HNF4G: variants seen among roughly 807,000 people sequenced by gnomAD.
The protein encoded by HNF4G is hepatocyte nuclear factor 4 gamma.
HNF4G carries 21 observed loss-of-function variants against 50.9 expected under a neutral mutation model. That is an observed-to-expected ratio of 0.41 (90% CI 0.29 to 0.59). The LOEUF (loss-of-function observed/expected upper bound fraction) is 0.59, where lower values mean the gene tolerates loss of function less well. Among genes scored for constraint, HNF4G ranks in the 20% least tolerant of loss-of-function variants. The pLI is 0.26. For synonymous variants in HNF4G, 198 were observed against 185.6 expected (o/e 1.07, Z -0.54); for missense variants, 527 against 559.4 (o/e 0.94, Z 0.58).
intron 1 of HNF4G, among the ~76,000 whole-genome samples, chr8:75,448,249 C>T (rs1398025361): frequency 7.7e-6 from 1 of 129,106 alleles, no homozygotes; most frequent in Non-Finnish European, 1.6e-5. Context: ...CACCTGGACA[C>T]ATGAAGGGGA....
At chr8:75,432,945 T>C in intron 1 of HNF4G, among the ~76,000 whole-genome samples, 1 of 152,266 alleles carries the variant, frequency 6.6e-6, no homozygotes, top group East Asian at 1.9e-4. Flanking sequence ...CAAAAGACAC[T>C]ACCAATTTGC....
At chr8:75,441,280 A>G (rs1434886223) in intron 1 of HNF4G, among the ~76,000 whole-genome samples, 2 of 151,064 alleles carry the variant, frequency 1.3e-5, no homozygotes, top group East Asian at 1.9e-4. Flanking sequence ...GAGTCTTTCA[A>G]TGTCACCCAG....
rs1242898506 is a variant in HNF4G at position 75,565,528 on chromosome 8, ACT to A, written c.*1437_*1438del. The stretch of plus-strand genomic sequence containing the variant: ...GGAGTAGAGTTCATTGGAGTCTTAA[ACT>A]CTCTGATATCACTTAAAGCTGGAGT... On this transcript the variant is annotated 3_prime_UTR_variant, in exon 10 of 10. Coordinates refer to ENST00000396423, the MANE Select transcript of HNF4G (RefSeq NM_004133.5). 6.6e-6 allele frequency: 1 copy of A among 152,074 alleles called. No individual in the cohort carries two copies. Among genetic ancestry groups the A allele is most frequent in the Non-Finnish European group, 1.5e-5 (1 of 68,026 alleles). The allele number at this position is 152,074 out of a possible 1,614,324, so 9.4% of individuals were successfully genotyped here.
intron 1 of HNF4G, among the ~76,000 whole-genome samples, chr8:75,479,316 T>G (rs534235559): frequency 6.6e-6 from 1 of 152,322 alleles, no homozygotes; most frequent in East Asian, 1.9e-4. Flanking sequence ...CAATCAAATC[T>G]TTTATTTCTT....
intron 2 of HNF4G, among the ~76,000 whole-genome samples, chr8:75,525,015 G>C (rs1351926237): frequency 4.6e-5 from 7 of 152,048 alleles, no homozygotes; most frequent in Admixed American, 6.6e-5. Context: ...TCAGTTTTTG[G>C]CAGCTGGTTC....
upstream of HNF4G, among the ~76,000 whole-genome samples, chr8:75,535,983 A>G (rs888401814): frequency 4.0e-5 from 6 of 151,878 alleles, no homozygotes; most frequent in Non-Finnish European, 5.9e-5. Context: ...GTTGCTTGGG[A>G]GAAACATTTT....
intron 9 of HNF4G, among the ~76,000 whole-genome samples, chr8:75,562,756 T>G (rs1807350185): frequency 6.6e-6 from 1 of 152,188 alleles, no homozygotes; most frequent in Admixed American, 6.5e-5. Flanking sequence ...TTTGTGGGAT[T>G]TGTTTGCAAA....
chr8:75,452,629 A>G (rs58280321), intron 1 of HNF4G, among the ~76,000 whole-genome samples: 1 of 138,120 alleles, frequency 7.2e-6, no homozygotes, highest in Non-Finnish European at 1.6e-5. Flanking sequence ...TGAGGCAGGG[A>G]AATGGCGTGA....
At chr8:75,481,210 T>G (rs577168026) in intron 1 of HNF4G, among the ~76,000 whole-genome samples, 1 of 152,224 alleles carries the variant, frequency 6.6e-6, no homozygotes, top group Non-Finnish European at 1.5e-5. Context: ...CTGGACTATA[T>G]TACATCTGAA....
chr8:75,486,924 C>T (rs1007080926), intron 1 of HNF4G, among the ~76,000 whole-genome samples: 3 of 152,252 alleles, frequency 2.0e-5, no homozygotes, highest in African/African-American at 7.2e-5. Context: ...ATCACTTGAG[C>T]CTGGGAGATC....
At chr8:75,517,914 C>G (rs1003858367) in intron 2 of HNF4G, among the ~76,000 whole-genome samples, 2 of 152,066 alleles carry the variant, frequency 1.3e-5, no homozygotes, top group African/African-American at 4.8e-5. Flanking sequence ...GGCACCATAC[C>G]TCTGCCTGGA....
intron 4 of HNF4G, among the ~76,000 whole-genome samples, chr8:75,552,570 T>C (rs1012660381): frequency 1.3e-5 from 2 of 152,146 alleles, no homozygotes; most frequent in African/African-American, 2.4e-5. Flanking sequence ...GCGAGACAAA[T>C]AGTTCTTGCT....
chr8:75,505,041 C>A (rs986721296), intron 2 of HNF4G, among the ~76,000 whole-genome samples: 6 of 152,144 alleles, frequency 3.9e-5, no homozygotes, highest in Admixed American at 6.5e-5. Flanking sequence ...ATTTTTAACA[C>A]TCATGAGTAT....
At chr8:75,426,391 G>C (rs544932228) in intron 1 of HNF4G, among the ~76,000 whole-genome samples, 54 of 152,192 alleles carry the variant, frequency 3.5e-4, no homozygotes, top group African/African-American at 1.3e-3. Flanking sequence ...AAGAACTTAA[G>C]CTATTCTTAT....
chr8:75,449,488 G>A (rs1194899126), intron 1 of HNF4G, among the ~76,000 whole-genome samples: 1 of 147,292 alleles, frequency 6.8e-6, no homozygotes, highest in Non-Finnish European at 1.5e-5. Context: ...CATTATCTCA[G>A]TAATATATAT....
intron 1 of HNF4G, among the ~76,000 whole-genome samples, chr8:75,466,886 G>A (rs772873895): frequency 1.3e-5 from 2 of 151,822 alleles, no homozygotes; most frequent in Non-Finnish European, 2.9e-5. Flanking sequence ...GTTTTGCCAC[G>A]TGGCCCATTC....
chr8:75,527,081 A>G (rs1226357941), intron 2 of HNF4G: 1 of 152,038 alleles, frequency 6.6e-6, no homozygotes, highest in Non-Finnish European at 1.5e-5. Flanking sequence ...TGGCCCAACA[A>G]GCATTCTTTT....
intron 1 of HNF4G, among the ~76,000 whole-genome samples, chr8:75,417,383 C>T (rs1267311923): frequency 6.6e-6 from 1 of 152,184 alleles, no homozygotes; most frequent in African/African-American, 2.4e-5. Context: ...CTTTCAATAA[C>T]TCTATACGGT....
At chr8:75,424,925 G>A (rs186892334) in intron 1 of HNF4G, among the ~76,000 whole-genome samples, 9 of 152,070 alleles carry the variant, frequency 5.9e-5, no homozygotes, top group African/African-American at 1.9e-4. Flanking sequence ...GGGATTTCTA[G>A]GTCAAGTGGG....
Sources: gnomAD v4.1 joint callset for allele counts (sites outside exome capture counted in the v4.1 genomes callset) on GRCh38, gnomAD v4.1.1 for gene constraint, MANE v1.5 for transcripts, NCBI Gene and HGNC (gene_info 2026-07-23, HGNC 2026-07-21) for gene names.